The following PAM variants were observed in gnomAD, a reference collection of about 807,000 sequenced individuals.
PAM encodes the protein peptidylglycine alpha-amidating monooxygenase.
Under a neutral mutation model 122.1 loss-of-function variants are expected in PAM, and 72 were observed. That is an observed-to-expected ratio of 0.59 (90% CI 0.49 to 0.72). PAM has a LOEUF of 0.72. Ranked by LOEUF, PAM falls within the 30% of genes least tolerant of loss-of-function variation. The pLI, the probability that PAM is intolerant of heterozygous loss-of-function variation, is 0.00. For synonymous variants in PAM, 389 were observed against 404.4 expected (o/e 0.96, Z 0.46); for missense variants, 1,106 against 1,183.7 (o/e 0.93, Z 0.96).
At chr5:103,028,793 T>A in intron 25 of PAM, 94 bp from the exon 26 acceptor site, 1 of 799,118 alleles carries the variant, frequency 1.3e-6, no homozygotes, top group Middle Eastern at 2.5e-4. Context: ...CCCTTTCCCA[T>A]CCCCACCTTC....
intron 15 of PAM, among the ~76,000 whole-genome samples, chr5:102,977,419 T>C (rs866555904): frequency 5.3e-5 from 8 of 152,160 alleles, no homozygotes; most frequent in African/African-American, 1.9e-4. Context: ...AAATACTGTG[T>C]CTTATTGTAT....
intron 3 of PAM, among the ~76,000 whole-genome samples, chr5:102,891,989 C>G (rs1366859093): frequency 1.3e-5 from 2 of 151,794 alleles, no homozygotes; most frequent in African/African-American, 4.8e-5. Flanking sequence ...CTTCCCTTTC[C>G]TGATTAGACT....
At chr5:102,834,185 A>T (rs1241417521) in intron 1 of PAM, among the ~76,000 whole-genome samples, 2 of 152,086 alleles carry the variant, frequency 1.3e-5, no homozygotes, top group Non-Finnish European at 2.9e-5. Flanking sequence ...ATGATTTTTT[A>T]AAAAAAGAAA....
intron 3 of PAM, among the ~76,000 whole-genome samples, chr5:102,883,436 G>A (rs1304626043): frequency 6.6e-6 from 1 of 151,860 alleles, no homozygotes; most frequent in Non-Finnish European, 1.5e-5. Context: ...AACCTCCTTG[G>A]TTAAATATAT....
chr5:102,782,681 C>T (rs2431320), intron 1 of PAM, among the ~76,000 whole-genome samples: 46,666 of 151,204 alleles, frequency 0.31, 7,555 homozygotes, highest in Non-Finnish European at 0.36. Context: ...ACCCAGAGCA[C>T]TTGCTCCCTT....
intron 12 of PAM, among the ~76,000 whole-genome samples, chr5:102,957,837 G>GT (rs1761260601): frequency 6.6e-6 from 1 of 152,074 alleles, no homozygotes; most frequent in African/African-American, 2.4e-5. Flanking sequence ...AGGCCATATG[G>GT]TAAGTTTTTC....
intron 11 of PAM, 75 bp downstream of exon 11, chr5:102,950,053 C>T (rs1758292602): frequency 1.2e-6 from 1 of 800,722 alleles, no homozygotes; most frequent in South Asian, 1.5e-5. Flanking sequence ...AATTATTATG[C>T]AACTCTTGTG....
intron 14 of PAM, among the ~76,000 whole-genome samples, chr5:102,962,742 A>G (rs1762859102): frequency 6.6e-6 from 1 of 151,832 alleles, no homozygotes; most frequent in African/African-American, 2.4e-5. Context: ...TCCAAATAGT[A>G]GGATGTAGGA....
intron 1 of PAM, among the ~76,000 whole-genome samples, chr5:102,778,275 T>C (rs1360396637): frequency 6.6e-6 from 1 of 152,182 alleles, no homozygotes; most frequent in African/African-American, 2.4e-5. Flanking sequence ...TATATGTTTA[T>C]ATTCGTTCTA....
intron 15 of PAM, among the ~76,000 whole-genome samples, chr5:102,981,403 C>T (rs1249951776): frequency 6.6e-6 from 1 of 152,188 alleles, no homozygotes; most frequent in Non-Finnish European, 1.5e-5. Flanking sequence ...TGATAGTAAT[C>T]AGCCAATTAG....
intron 15 of PAM, among the ~76,000 whole-genome samples, chr5:102,984,428 G>A (rs965159199): frequency 5.3e-5 from 8 of 152,130 alleles, no homozygotes; most frequent in Admixed American, 3.3e-4. Flanking sequence ...AAACAAGCAC[G>A]AGTAGCTATA....
chr5:102,907,220 T>C (rs1197859888), intron 4 of PAM, among the ~76,000 whole-genome samples: 1 of 151,838 alleles, frequency 6.6e-6, no homozygotes, highest in East Asian at 1.9e-4. Context: ...ACAATTTCAC[T>C]ATTAAGCTTT....
At chr5:102,763,433 G>C (rs1479640909) in intron 1 of PAM, among the ~76,000 whole-genome samples, 1 of 152,104 alleles carries the variant, frequency 6.6e-6, no homozygotes, top group African/African-American at 2.4e-5. Flanking sequence ...TTCCTGGTCT[G>C]CATTATCATG....
At chr5:102,896,933 G>A (rs1347449208) in intron 3 of PAM, among the ~76,000 whole-genome samples, 1 of 151,516 alleles carries the variant, frequency 6.6e-6, no homozygotes. Flanking sequence ...AGGATGAGGT[G>A]GAGAGTACAA....
At chr5:102,868,337 A>T (rs1581133162) in intron 3 of PAM, among the ~76,000 whole-genome samples, 1 of 152,194 alleles carries the variant, frequency 6.6e-6, no homozygotes, top group East Asian at 1.9e-4. Flanking sequence ...TGCAATTGAC[A>T]TCCAGAAGCT....
rs192061067 is a variant in PAM, at chr5:102,757,503, G to T, written c.-374+2155G>T. ...TCTGTGTTTTTAGAATGAAAGCTTAGGAAAACATTCTACACATGTATGATG... is the reference window on the plus strand; with the variant it reads ...TCTGTGTTTTTAGAATGAAAGCTTATGAAAACATTCTACACATGTATGATG... On this transcript the variant is annotated intron_variant, in intron 1 of 25. Coordinates refer to ENST00000438793, the MANE Select transcript of PAM (RefSeq NM_001177306.2). 3.5e-4 allele frequency among the ~76,000 whole-genome samples: 53 copies of T among 152,274 alleles called. 1 individual carries two copies. The highest frequency in any genetic ancestry group is 3.4e-3 in the Admixed American group (52 of 15,302).
chr5:102,806,648 T>C (rs1580364694), intron 1 of PAM, among the ~76,000 whole-genome samples: 1 of 152,346 alleles, frequency 6.6e-6, no homozygotes, highest in East Asian at 1.9e-4. Context: ...GCATTTTTGC[T>C]TCTCAAACTC....
chr5:102,814,677 T>C (rs1196235125), intron 1 of PAM, among the ~76,000 whole-genome samples: 4 of 151,310 alleles, frequency 2.6e-5, no homozygotes, highest in South Asian at 2.1e-4. Context: ...TTCATGGTAA[T>C]TTTTGCCAAG....
intron 7 of PAM, among the ~76,000 whole-genome samples, chr5:102,939,053 G>A (rs761055255): frequency 5.9e-5 from 9 of 151,998 alleles, no homozygotes; most frequent in African/African-American, 9.7e-5. Flanking sequence ...CTTGTAAAAC[G>A]AAAAGGATAC....
Sources: allele counts gnomAD v4.1 joint callset (sites outside exome capture counted in the v4.1 genomes callset), GRCh38; gene constraint gnomAD v4.1.1; transcripts MANE v1.5; gene names NCBI Gene and HGNC (gene_info 2026-07-23, HGNC 2026-07-21).